The following ZNF185 variants were observed in gnomAD, a reference collection of about 807,000 sequenced individuals.
ZNF185 encodes the protein zinc finger protein 185.
Under a neutral mutation model 58.6 loss-of-function variants are expected in ZNF185, and 56 were observed. The observed-to-expected ratio is 0.95, with a 90% confidence interval of 0.77 to 1.19. ZNF185 has a LOEUF of 1.19. Among genes scored for constraint, ZNF185 ranks in the 50% most tolerant of loss-of-function variants. ZNF185 has a pLI of 0.00. For synonymous variants in ZNF185, 230 were observed against 215.9 expected, an observed-to-expected ratio of 1.07 and a Z score of -0.57; for missense variants, 627 against 573.5, an observed-to-expected ratio of 1.09 and a Z score of -0.95.
intron 14 of ZNF185, among the ~76,000 whole-genome samples, chrX:152,935,699 G>C (rs1049653028): frequency 8.0e-5 from 9 of 112,468 alleles, no homozygotes; most frequent in Middle Eastern, 9.2e-3. Context: ...GATCTGCTCA[G>C]AGACATTGGT....
At chrX:152,938,735 C>T (rs962913626) in intron 15 of ZNF185, among the ~76,000 whole-genome samples, 3 of 111,241 alleles carry the variant, frequency 2.7e-5, no homozygotes, top group African/African-American at 9.9e-5. Context: ...CTCACAGTCT[C>T]TCAAAGGTTT....
the ZNF185 span, among the ~76,000 whole-genome samples, chrX:152,898,644 C>G: frequency 8.9e-6 from 1 of 112,661 alleles, no homozygotes; most frequent in Non-Finnish European, 1.9e-5. Flanking sequence ...GAAACTGAGA[C>G]CCAGAGGCTG....
chrX:152,949,492 A>C (rs781947978), intron 16 of ZNF185, among the ~76,000 whole-genome samples: 1 of 112,454 alleles, frequency 8.9e-6, no homozygotes, highest in South Asian at 3.6e-4. Context: ...GCATCTCAGT[A>C]GGCTAGGTTC....
intron 12 of ZNF185, 121 bp from the exon 14 acceptor site, chrX:152,931,551 C>A: frequency 3.6e-6 from 2 of 561,844 alleles, no homozygotes; most frequent in Non-Finnish European, 2.8e-6. Flanking sequence ...AGCCACTGCA[C>A]CCGGCCCAGT....
intron 12 of ZNF185, among the ~76,000 whole-genome samples, chrX:152,930,741 G>A (rs1204082694): frequency 9.0e-6 from 1 of 111,543 alleles, no homozygotes; most frequent in Non-Finnish European, 1.9e-5. Flanking sequence ...GGCCAGGGAG[G>A]TAGGCAGGTG....
rs781938301 is a variant in ZNF185 at position 152,970,473 on chromosome X, C to T, written c.2005C>T (p.Leu669Phe). The change falls in exon 22 of 23, where the codon CTC (leucine) becomes TTC (phenylalanine). Residue 669 changes from leucine to phenylalanine, a missense_variant. Physicochemically the swap from Leu to Phe is conservative, Grantham distance 22. Coordinates refer to ENST00000449285, the Ensembl canonical transcript of ZNF185. ...GATTTGCAGTAAACCGATGGGCGAT[C>T]TCCTGGATCAGATCTTCATTCACCG... is the stretch of plus-strand genomic sequence containing the variant. The T allele has an allele frequency of 4.0e-5, 48 of 1,207,769 alleles. No homozygotes were observed. Among genetic ancestry groups the T allele is most frequent in the Non-Finnish European group, 5.1e-5 (46 of 894,554 alleles).
At chrX:152,968,053 A>C (rs1284340082) in intron 20 of ZNF185, among the ~76,000 whole-genome samples, 1 of 111,917 alleles carries the variant, frequency 8.9e-6, no homozygotes, top group African/African-American at 3.2e-5. Flanking sequence ...GGGGAGGAAA[A>C]GGAAGGAAGT....
chrX:152,964,601 C>T (rs782599635), intron 18 of ZNF185, among the ~76,000 whole-genome samples: 8 of 111,819 alleles, frequency 7.2e-5, no homozygotes, highest in South Asian at 3.8e-4. Context: ...CCCATGATCC[C>T]GTCACCTCCC....
At chrX:152,965,688 G>A (rs2050039005) in intron 19 of ZNF185, among the ~76,000 whole-genome samples, 161 bp downstream of exon 21, 1 of 110,918 alleles carries the variant, frequency 9.0e-6, no homozygotes. Context: ...TGGGATTGAT[G>A]CATTTTCTAC....
Position 152,965,435 on chromosome X carries a change from C to T in ZNF185, c.1719-12C>T. 7.7e-6 allele frequency: 9 copies of T among 1,170,249 alleles called. No individual in the cohort carries two copies. Among genetic ancestry groups the T allele is most frequent in the Non-Finnish European group, 1.0e-5 (9 of 872,032 alleles). On this transcript the variant is annotated splice_polypyrimidine_tract_variant and intron_variant, in intron 18 of 22. Transcript: ENST00000449285. ...TGGTGTACCTCTGATTTCTTCTGTG[C>T]TCCTTCTACAGCAAAGGGATTCTCT... is the stretch of plus-strand genomic sequence containing the variant.
intron 8 of ZNF185, 94 bp from the exon 10 acceptor site, chrX:152,920,613 T>A: frequency 9.1e-7 from 1 of 1,098,676 alleles, no homozygotes; most frequent in East Asian, 3.0e-5. Flanking sequence ...GTGCCGGGAA[T>A]GGAGAGGGCC....
At chrX:152,969,515 A>G (rs1556917477) in intron 21 of ZNF185, 31 bp downstream of exon 23, 1 of 1,103,202 alleles carries the variant, frequency 9.1e-7, no homozygotes, top group East Asian at 3.1e-5. Flanking sequence ...ACCTTGAGCT[A>G]GGCGGTAACT....
chrX:152,947,622 A>G lies in ZNF185; in HGVS notation c.1409+2158A>G, dbSNP rs781944132. Among the ~76,000 whole-genome samples the G allele has an allele frequency of 6.2e-5, 7 of 112,416 alleles. No individual in the cohort carries two copies. In the Middle Eastern group the frequency reaches 0.014, roughly 221 times the overall value. On this transcript the variant is annotated intron_variant, in intron 16 of 22. Transcript: ENST00000449285. ...TGTCCAGTAGGCTACTGAGTAAACAAATGTGGAGTTGAGCAAAGATCTGAC... is the reference window on the plus strand; with the variant it reads ...TGTCCAGTAGGCTACTGAGTAAACAGATGTGGAGTTGAGCAAAGATCTGAC...
intron 7 of ZNF185, 52 bp from the exon 9 acceptor site, chrX:152,920,276 G>A (rs1157170577): frequency 3.4e-6 from 4 of 1,160,018 alleles, no homozygotes; most frequent in East Asian, 6.0e-5. Context: ...GGCTGGCAGA[G>A]CATGTCCAGC....
the ZNF185 span, among the ~76,000 whole-genome samples, chrX:152,903,205 A>G: frequency 4.6e-5 from 5 of 108,978 alleles, no homozygotes; most frequent in African/African-American, 1.3e-4. Context: ...CCTGGCCAAC[A>G]TGGTGAAACC....
chrX:152,937,209 A>G (rs1307751895), intron 14 of ZNF185, among the ~76,000 whole-genome samples: 3 of 111,932 alleles, frequency 2.7e-5, no homozygotes, highest in African/African-American at 9.8e-5. Context: ...GAATGGGTGG[A>G]CGTGGGGCAG....
the ZNF185 span, among the ~76,000 whole-genome samples, chrX:152,902,711 G>C: frequency 2.7e-5 from 3 of 111,973 alleles, no homozygotes; most frequent in African/African-American, 9.7e-5. Context: ...ACATGGCAGT[G>C]TGATCCTGGG....
At chrX:152,901,238 C>CTT in the ZNF185 span, among the ~76,000 whole-genome samples, 14 of 96,434 alleles carry the variant, frequency 1.5e-4, no homozygotes, top group African/African-American at 4.3e-4. Context: ...TTTGTTTTCA[C>CTT]TTTTTTTTTT....
chrX:152,939,206 C>G (rs782555847), intron 15 of ZNF185, among the ~76,000 whole-genome samples: 4 of 111,556 alleles, frequency 3.6e-5, no homozygotes, highest in South Asian at 3.8e-4. Flanking sequence ...TTACTTAAAC[C>G]AAGATGCTGG....
Sources: gnomAD v4.1 joint callset for allele counts (sites outside exome capture counted in the v4.1 genomes callset) on GRCh38, gnomAD v4.1.1 for gene constraint, MANE v1.5 for transcripts, NCBI Gene and HGNC (gene_info 2026-07-23, HGNC 2026-07-21) for gene names.